The following CD99 variants were observed in gnomAD, a reference collection of about 807,000 sequenced individuals.
CD99 encodes CD99 molecule (Xg blood group).
Under a neutral mutation model 28.4 loss-of-function variants are expected in CD99, and 19 were observed. The observed-to-expected ratio is 0.67, with a 90% CI of 0.47 to 0.98. The LOEUF (loss-of-function observed/expected upper bound fraction) is 0.98, where lower values mean the gene tolerates loss of function less well. Among genes scored for constraint, CD99 ranks in the 50% least tolerant of loss-of-function variants. The probability of loss-of-function intolerance (pLI) is 0.00; values close to 1 mark genes in which losing one functional copy is unlikely to be tolerated. For synonymous variants in CD99, 103 were observed against 92.1 expected, an observed-to-expected ratio of 1.12 and a Z score of -0.67; for missense variants, 283 against 248.8, an observed-to-expected ratio of 1.14 and a Z score of -0.92.
At chrX:2,721,944 CG>C (rs1349642860) in intron 5 of CD99, among the ~76,000 whole-genome samples, 1 of 152,118 alleles carries the variant, frequency 6.6e-6, no homozygotes, top group African/African-American at 2.4e-5. Flanking sequence ...TGAGTACTTT[CG>C]TAGCTTTTGA....
chrX:2,715,464 C>G (rs1221541032), intron 2 of CD99: 2 of 151,332 alleles, frequency 1.3e-5, no homozygotes, highest in Admixed American at 6.6e-5. Context: ...GTCTCTGCCT[C>G]CTTCTCCGTG....
intron 9 of CD99, among the ~76,000 whole-genome samples, chrX:2,739,859 T>C (rs1437754307): frequency 2.7e-5 from 4 of 146,514 alleles, no homozygotes; most frequent in African/African-American, 7.6e-5. Flanking sequence ...GCGGATCACC[T>C]GAGGTTGGGA....
chrX:2,713,267 GC>G (rs2048524538), intron 1 of CD99, among the ~76,000 whole-genome samples: 1 of 150,466 alleles, frequency 6.6e-6, no homozygotes, highest in Admixed American at 6.6e-5. Flanking sequence ...ACCTACATAT[GC>G]ACACACAAAC....
chrX:2,700,618 A>C (rs1183202616), intron 1 of CD99, among the ~76,000 whole-genome samples: 1 of 151,014 alleles, frequency 6.6e-6, no homozygotes, highest in East Asian at 2.0e-4. Context: ...CCGTTAATGC[A>C]CCTGTCCATC....
At chrX:2,705,161 C>T (rs1010698928) in intron 1 of CD99, among the ~76,000 whole-genome samples, 1 of 152,220 alleles carries the variant, frequency 6.6e-6, no homozygotes, top group Non-Finnish European at 1.5e-5. Context: ...TCATAGCTTT[C>T]CATGGGGTGA....
rs1436547103 is a variant in CD99, at chrX:2,691,443, G to C, written c.67+16G>C. 4.4e-6 allele frequency: 7 copies of C among 1,579,320 alleles called. No individual in the cohort carries two copies. The highest frequency in any genetic ancestry group is 6.0e-6 in the Non-Finnish European group (7 of 1,171,748). ...GCCGCCCCGGGTGAGCGAGCGGAGG[G>C]ATCCGGGTTGGGGGACGCGGAGGGC... On this transcript the variant is annotated intron_variant, in intron 1 of 9. Coordinates refer to ENST00000381192, the MANE Select transcript of CD99 (RefSeq NM_002414.5).
chrX:2,722,162 C>T (rs1401907332), intron 5 of CD99, among the ~76,000 whole-genome samples: 6 of 151,610 alleles, frequency 4.0e-5, no homozygotes, highest in South Asian at 4.2e-4. Flanking sequence ...ATCAATTGGC[C>T]GTGGATACTT....
At chrX:2,713,801 C>A (rs2048558162) in intron 1 of CD99, among the ~76,000 whole-genome samples, 1 of 152,194 alleles carries the variant, frequency 6.6e-6, no homozygotes, top group Admixed American at 6.5e-5. Flanking sequence ...ACCAAACAGT[C>A]CAAGTCGACT....
intron 5 of CD99, among the ~76,000 whole-genome samples, chrX:2,721,966 A>G (rs1408263978): frequency 1.3e-5 from 2 of 152,132 alleles, no homozygotes; most frequent in African/African-American, 4.8e-5. Context: ...CCTGGTTGTT[A>G]ATTTGCTGCA....
intron 7 of CD99, among the ~76,000 whole-genome samples, chrX:2,725,813 A>C (rs774704111): frequency 2.6e-5 from 4 of 152,076 alleles, no homozygotes; most frequent in African/African-American, 9.7e-5. Flanking sequence ...GGGTTTTACC[A>C]TGTTGACCAG....
At chrX:2,691,948 C>T (rs1157950302) in intron 1 of CD99, 3 of 778,306 alleles carry the variant, frequency 3.9e-6, no homozygotes, top group Non-Finnish European at 2.4e-6. Context: ...ACTTTGAGCC[C>T]TGAAAATGTT....
At chrX:2,725,794 C>T (rs1199715592) in intron 7 of CD99, among the ~76,000 whole-genome samples, 1 of 152,012 alleles carries the variant, frequency 6.6e-6, no homozygotes, top group Non-Finnish European at 1.5e-5. Context: ...TTGTATTTTT[C>T]GTAGAGACGG....
intron 7 of CD99, among the ~76,000 whole-genome samples, chrX:2,724,915 A>T (rs2049193898): frequency 6.9e-6 from 1 of 143,888 alleles, no homozygotes; most frequent in Admixed American, 6.8e-5. Context: ...AAAAAAAACT[A>T]GCCAGGGGTG....
chrX:2,727,893 C>T (rs1294693197), intron 8 of CD99, among the ~76,000 whole-genome samples: 3 of 152,196 alleles, frequency 2.0e-5, no homozygotes, highest in African/African-American at 7.2e-5. Context: ...ATGTCATTCA[C>T]TCAAAGCACT....
intron 1 of CD99, among the ~76,000 whole-genome samples, chrX:2,699,382 A>T (rs1017245844): frequency 3.4e-5 from 5 of 149,214 alleles, no homozygotes; most frequent in African/African-American, 1.2e-4. Flanking sequence ...GTTGGCCAGG[A>T]TGGTCTCGAA....
chrX:2,719,448 C>G (rs2048893537), intron 3 of CD99: 1 of 623,490 alleles, frequency 1.6e-6, no homozygotes, highest in Non-Finnish European at 2.9e-6. Context: ...TTATCTGTCT[C>G]TGTCTCTCTG....
intron 2 of CD99, among the ~76,000 whole-genome samples, chrX:2,715,968 G>A (rs1318835656): frequency 1.3e-5 from 2 of 152,010 alleles, no homozygotes; most frequent in East Asian, 1.9e-4. Context: ...GGTTTGGGGT[G>A]GGTGTGGATC....
At chrX:2,732,231 T>C (rs1362514320) in intron 8 of CD99, among the ~76,000 whole-genome samples, 1 of 152,022 alleles carries the variant, frequency 6.6e-6, no homozygotes, top group Non-Finnish European at 1.5e-5. Context: ...CATCTGGGTG[T>C]GTTGGCTTCG....
Position 2,723,350 on chromosome X carries a change from A to G in CD99, c.347A>G (p.Lys116Arg). 2 of 1,613,954 alleles carry G rather than the reference A, an allele frequency of 1.2e-6. No homozygotes were observed. The highest frequency in any genetic ancestry group is 1.7e-6 in the Non-Finnish European group (2 of 1,179,854). ...AGTGATGGTGGAGGCAGCCACAGGA[A>G]AGAAGGGGAAGAGGGTAGGTGCACC... ...GGSDGGGSHR[K>R]EGEEADAPGV... The change falls in exon 7 of 10, where the codon AAA becomes AGA. Residue 116 changes from lysine to arginine, a missense_variant. Coordinates refer to ENST00000381192, the MANE Select transcript of CD99 (RefSeq NM_002414.5).
Sources: allele counts gnomAD v4.1 joint callset (sites outside exome capture counted in the v4.1 genomes callset), GRCh38; gene constraint gnomAD v4.1.1; transcripts MANE v1.5; gene names NCBI Gene and HGNC (gene_info 2026-07-23, HGNC 2026-07-21).